The following HK1 variants were observed in gnomAD, a reference collection of about 807,000 sequenced individuals.
HK1 encodes the protein hexokinase 1, also known as hexokinase-1.
A neutral mutation model predicts 91.6 loss-of-function variants in HK1; 28 were observed. The observed-to-expected ratio is 0.31, with a 90% confidence interval of 0.23 to 0.42. The LOEUF is 0.42. Ranked by LOEUF, HK1 falls within the 10% of genes least tolerant of loss-of-function variation. The probability of loss-of-function intolerance (pLI) is 1.00; values close to 1 mark genes in which losing one functional copy is unlikely to be tolerated. For missense variants in HK1, 770 were observed against 1,219.8 expected, an observed-to-expected ratio of 0.63 and a Z score of 5.49; for synonymous variants, 430 against 468.1, an observed-to-expected ratio of 0.92 and a Z score of 1.05.
At chr10:69,282,331 A>G (rs887006335) in intron 1 of HK1, among the ~76,000 whole-genome samples, 1 of 152,168 alleles carries the variant, frequency 6.6e-6, no homozygotes, top group African/African-American at 2.4e-5. Context: ...TCTCAATGGG[A>G]TAAAATAACT....
At position 69,379,858 on chromosome 10, in the gene HK1, A is replaced by G. The variant is rs370277559; in HGVS notation, c.1032-4A>G. 1.4e-5 allele frequency: 22 copies of G among 1,605,692 alleles called. No homozygotes were observed. In the African/African-American group the frequency reaches 2.9e-4, roughly 21 times the overall value. ...TGCATCAGTATTGGCTTCTAACTTC[A>G]CAGGAATAAGGAAGGCCTCCACAAT... On this transcript the variant is annotated splice_polypyrimidine_tract_variant and splice_region_variant and intron_variant, in intron 8 of 17. Coordinates refer to ENST00000359426, the MANE Select transcript of HK1 (RefSeq NM_000188.3).
intron 3 of HK1, among the ~76,000 whole-genome samples, chr10:69,289,576 A>T (rs989076078): frequency 7.3e-6 from 1 of 136,960 alleles, no homozygotes; most frequent in Non-Finnish European, 1.5e-5. Flanking sequence ...GGTTAAAGTG[A>T]TTCTTGTGCC....
chr10:69,343,297 CT>C (rs1253003500), intron 1 of HK1, among the ~76,000 whole-genome samples: 3 of 152,200 alleles, frequency 2.0e-5, no homozygotes, highest in Non-Finnish European at 4.4e-5. Flanking sequence ...GTTCTAAGTG[CT>C]TGTGTCTCAT....
chr10:69,401,230 C>A lies in HK1; in HGVS notation c.*95C>A. 6.8e-7 allele frequency: 1 copy of A among 1,462,922 alleles called. No individual in the cohort carries two copies. Among genetic ancestry groups the A allele is most frequent in the Non-Finnish European group, 9.3e-7 (1 of 1,074,964 alleles). The allele number at this position is 1,462,922 out of a possible 1,614,324, so 90.6% of individuals were successfully genotyped here. A position where few individuals can be genotyped will look rare whatever the true frequency, so the allele number is the denominator to read the frequency against. On this transcript the variant is annotated 3_prime_UTR_variant, in exon 18 of 18. Coordinates refer to ENST00000359426, the MANE Select transcript of HK1 (RefSeq NM_000188.3). The stretch of plus-strand genomic sequence containing the variant: ...AGCGAGTTGCGCTGGGAGACGCTGG[C>A]GCCAGGGCCTGCCGGCGCGGGGAGG...
intron 2 of HK1, among the ~76,000 whole-genome samples, chr10:69,283,808 A>AAAAAAAG (rs1844884758): frequency 6.9e-6 from 1 of 144,704 alleles, no homozygotes; most frequent in East Asian, 2.0e-4. Context: ...CAAAAAAAAA[A>AAAAAAAG]AAAAAAAAAG....
chr10:69,395,450 T>G (rs1034976652), intron 16 of HK1, among the ~76,000 whole-genome samples: 1 of 152,106 alleles, frequency 6.6e-6, no homozygotes, highest in Non-Finnish European at 1.5e-5. Context: ...TGGTGGCATA[T>G]GCCTGTAATC....
chr10:69,307,847 CT>C (rs147435234), intron 5 of HK1, among the ~76,000 whole-genome samples: 2,131 of 151,180 alleles, frequency 0.014, 49 homozygotes, highest in African/African-American at 0.049. Flanking sequence ...ATTTTCTTTT[CT>C]TTTTTTTTGA....
chr10:69,384,415 A>G lies in HK1; in HGVS notation c.1653A>G (p.Arg551=). 1 of 1,614,136 alleles carries G rather than the reference A, an allele frequency of 6.2e-7. No homozygotes were observed. Among genetic ancestry groups the G allele is most frequent in the Non-Finnish European group, 8.5e-7 (1 of 1,180,014 alleles). The part of the protein sequence containing the change: ...LLVKIRSGKK[R]TVEMHNKIYA... ...TGAAAATCCGTAGTGGGAAAAAGAG[A>G]ACGGTGGAAATGCACAACAAGATCT... The change falls in exon 11 of 18, where the codon AGA becomes AGG. Residue 551 remains arginine (R), a synonymous_variant. Coordinates refer to ENST00000359426, the MANE Select transcript of HK1 (RefSeq NM_000188.3).
At chr10:69,272,395 A>G (rs1844213874) in intron 1 of HK1, among the ~76,000 whole-genome samples, 1 of 152,188 alleles carries the variant, frequency 6.6e-6, no homozygotes, top group African/African-American at 2.4e-5. Context: ...GCTGGCACTT[A>G]TTTAGAGACA....
intron 2 of HK1, among the ~76,000 whole-genome samples, chr10:69,346,509 A>AT (rs796205574): frequency 4.2e-4 from 61 of 145,294 alleles, no homozygotes; most frequent in African/African-American, 6.8e-4. Context: ...TTTTTTGGTC[A>AT]TTTTTTTTTT....
chr10:69,357,904 G>GT (rs1212837079), intron 2 of HK1, among the ~76,000 whole-genome samples: 1 of 152,148 alleles, frequency 6.6e-6, no homozygotes, highest in Admixed American at 6.5e-5. Flanking sequence ...TAATGAAAAT[G>GT]TTATAAAATT....
At chr10:69,315,795 T>C (rs1846606746), upstream of HK1, 1 of 726,878 alleles carries the variant, frequency 1.4e-6, no homozygotes, top group African/African-American at 1.7e-5. Flanking sequence ...CCAGGTTGCA[T>C]GAGGGGTTGG....
chr10:69,306,558 G>A (rs1454341181), intron 5 of HK1, among the ~76,000 whole-genome samples: 1 of 152,088 alleles, frequency 6.6e-6, no homozygotes, highest in Admixed American at 6.5e-5. Flanking sequence ...GAGGGTGGAG[G>A]AACAGTCAGC....
rs766033730 is a variant in HK1 at position 69,392,253 on chromosome 10, A to G, written c.2164A>G (p.Arg722Gly). 6.2e-7 allele frequency: 1 copy of G among 1,614,248 alleles called. No individual in the cohort carries two copies. The highest frequency in any genetic ancestry group is 1.3e-5 in the African/African-American group (1 of 75,074). ...GGACAACGGGTGTCTGGATGATATC[A>G]GGACACACTACGACAGACTGGTGGA... ...FGDNGCLDDI[R>G]THYDRLVDEY... The change falls in exon 15 of 18, where the codon AGG becomes GGG. Residue 722 changes from arginine (R) to glycine (G), a missense_variant. This residue lies in a region of HK1 where 152 missense variants were observed against 211.1 expected (regional missense o/e 0.72). Coordinates refer to ENST00000359426, the MANE Select transcript of HK1 (RefSeq NM_000188.3).
At chr10:69,345,518 A>C (rs1848503804) in intron 2 of HK1, among the ~76,000 whole-genome samples, 1 of 152,132 alleles carries the variant, frequency 6.6e-6, no homozygotes, top group Admixed American at 6.5e-5. Flanking sequence ...CATGGCTCTG[A>C]CTGCTTCCAG....
chr10:69,286,285 C>A (rs1434975779), intron 2 of HK1, among the ~76,000 whole-genome samples: 1 of 152,058 alleles, frequency 6.6e-6, no homozygotes, highest in Non-Finnish European at 1.5e-5. Context: ...ATCGCTTGAG[C>A]CCAGGGGTTT....
chr10:69,370,031 C>T (rs1021695328), intron 7 of HK1, among the ~76,000 whole-genome samples: 1 of 152,230 alleles, frequency 6.6e-6, no homozygotes, highest in East Asian at 1.9e-4. Context: ...AGCCACCTAG[C>T]GCGGCCTAAA....
At chr10:69,276,343 A>T (rs1844472750) in intron 1 of HK1, among the ~76,000 whole-genome samples, 1 of 151,646 alleles carries the variant, frequency 6.6e-6, no homozygotes, top group Admixed American at 6.6e-5. Flanking sequence ...TTGCTTTAAT[A>T]TTTAGAGGTT....
intron 1 of HK1, among the ~76,000 whole-genome samples, chr10:69,328,629 T>G (rs1026438957): frequency 1.3e-5 from 2 of 152,198 alleles, no homozygotes; most frequent in African/African-American, 4.8e-5. Flanking sequence ...CCTGCTTTTA[T>G]TATTTTCTCA....
Sources: allele counts gnomAD v4.1 joint callset (sites outside exome capture counted in the v4.1 genomes callset), GRCh38; gene constraint gnomAD v4.1.1; regional missense constraint gnomAD v4.1.1; transcripts MANE v1.5; gene names NCBI Gene and HGNC (gene_info 2026-07-23, HGNC 2026-07-21).